PIK3R3: variants seen among roughly 807,000 people sequenced by gnomAD.
PIK3R3 encodes phosphatidylinositol 3-kinase regulatory subunit gamma.
Under a neutral mutation model 62.9 loss-of-function variants are expected in PIK3R3, and 64 were observed. The ratio of observed to expected loss-of-function variants is 1.02; its 90% CI spans 0.83 to 1.25. The LOEUF (loss-of-function observed/expected upper bound fraction) is 1.25. Ranked by LOEUF, PIK3R3 falls within the 50% of genes most tolerant of loss-of-function variation. PIK3R3 has a pLI of 0.00. For synonymous variants in PIK3R3, 165 were observed against 189.0 expected (o/e 0.87, Z 1.04); for missense variants, 614 against 561.6 (o/e 1.09, Z -0.94).
Position 46,042,379 on chromosome 1 carries a change from C to T in PIK3R3, c.*1294G>A. The stretch of plus-strand genomic sequence containing the variant: ...CTTCCAGATGGCTTCTACTAACAGT[C>T]TAAACACTAAGCCATCTTCTCTCCC... On this transcript the variant is annotated 3_prime_UTR_variant, in exon 10 of 10. Transcript: ENST00000262741. This position sits in a 1 kb window ranked among gnomAD's most constrained non-coding sequence, Gnocchi z 4.3. The T allele has an allele frequency of 4.4e-6, 1 of 229,156 alleles. No individual in the cohort carries two copies. Among genetic ancestry groups the T allele is most frequent in the Non-Finnish European group, 8.7e-6 (1 of 115,460 alleles). 14.2% of individuals were successfully genotyped at this position (229,156 alleles called of 1,614,324 possible). A position where few individuals can be genotyped will look rare whatever the true frequency, so the allele number is the denominator to read the frequency against.
At chr1:46,124,737 G>A (rs1288651084) in intron 1 of PIK3R3, among the ~76,000 whole-genome samples, 10 of 149,256 alleles carry the variant, frequency 6.7e-5, no homozygotes, top group East Asian at 2.0e-4. Context: ...CGGAGGTTGC[G>A]GTGAGCCGAG....
In PIK3R3 at chr1:46,048,761, A is replaced by G. The variant is rs79247720; in HGVS notation, c.942-2136T>C. On this transcript the variant is annotated intron_variant, in intron 7 of 9. Transcript: ENST00000262741. ...GAAAAAGAAAAATTGCTTTTGCTCC[A>G]CCCTCCATTTATGATGGTGCCTACC... is the stretch of plus-strand genomic sequence containing the variant. Among the ~76,000 whole-genome samples, 208 of 152,136 alleles carry G rather than the reference A, an allele frequency of 1.4e-3. 1 individual carries two copies. The highest frequency in any genetic ancestry group is 4.8e-3 in the African/African-American group (201 of 41,496).
chr1:46,120,378 C>T (rs933043402), intron 1 of PIK3R3, among the ~76,000 whole-genome samples: 1 of 152,216 alleles, frequency 6.6e-6, no homozygotes, highest in South Asian at 2.1e-4. Context: ...GAGATCGAGA[C>T]CATCCTGACC....
chr1:46,124,690 G>A (rs978525804), intron 1 of PIK3R3, among the ~76,000 whole-genome samples: 3 of 151,826 alleles, frequency 2.0e-5, no homozygotes, highest in Non-Finnish European at 4.4e-5. Context: ...CAGCTACTTG[G>A]GAGCCTGAGG....
In PIK3R3 at chr1:46,043,465, C is replaced by T; in HGVS notation, c.*208G>A. 1.8e-6 allele frequency: 1 copy of T among 569,206 alleles called. No homozygotes were observed. The highest frequency in any genetic ancestry group is 3.2e-6 in the Non-Finnish European group (1 of 317,274). The allele number at this position is 569,206 out of a possible 1,614,324, so 35.3% of individuals were successfully genotyped here. The stretch of plus-strand genomic sequence containing the variant: ...AACATCTGCTTCCAGCTTAGTATGT[C>T]AGTGCAGCGGCATGGCTGAGTCCTA... On this transcript the variant is annotated 3_prime_UTR_variant, in exon 10 of 10. Coordinates refer to ENST00000262741, the MANE Select transcript of PIK3R3 (RefSeq NM_003629.4).
chr1:46,094,274 C>T (rs561341883), intron 1 of PIK3R3, among the ~76,000 whole-genome samples: 1 of 152,030 alleles, frequency 6.6e-6, no homozygotes, highest in African/African-American at 2.4e-5. Flanking sequence ...ATATATACTT[C>T]CTAAAATTCA....
In PIK3R3 at chr1:46,040,373, TTG is replaced by T. The variant is rs1646973279; in HGVS notation, c.*3298_*3299del. ...ATCACAAGACATACAGTTGGCTTTC[TTG>T]TGAGTCAGATATTTTTACGTAAACT... On this transcript the variant is annotated 3_prime_UTR_variant, in exon 10 of 10. Coordinates refer to ENST00000262741, the MANE Select transcript of PIK3R3 (RefSeq NM_003629.4). The T allele has an allele frequency of 4.3e-6, 1 of 231,650 alleles. No individual in the cohort carries two copies. Among genetic ancestry groups the T allele is most frequent in the African/African-American group, 2.2e-5 (1 of 45,230 alleles). 14.3% of individuals were successfully genotyped at this position (231,650 alleles called of 1,614,324 possible).
chr1:46,129,612 C>T (rs1655406276), intron 1 of PIK3R3, among the ~76,000 whole-genome samples: 1 of 152,024 alleles, frequency 6.6e-6, no homozygotes, highest in Non-Finnish European at 1.5e-5. Flanking sequence ...ATAATAAGAG[C>T]TTGATGTGGG....
chr1:46,174,374 T>C, the PIK3R3 span, among the ~76,000 whole-genome samples: 1 of 152,076 alleles, frequency 6.6e-6, no homozygotes, highest in African/African-American at 2.4e-5. Context: ...GTCAGTGAAT[T>C]CTCTGCCTCA....
chr1:46,168,427 T>A, the PIK3R3 span, among the ~76,000 whole-genome samples: 1 of 152,162 alleles, frequency 6.6e-6, no homozygotes, highest in Non-Finnish European at 1.5e-5. Flanking sequence ...GTGTGACCCT[T>A]GGAAGGGCCT....
chr1:46,102,111 G>T (rs937788359), intron 1 of PIK3R3, among the ~76,000 whole-genome samples: 2 of 144,876 alleles, frequency 1.4e-5, no homozygotes, highest in Admixed American at 1.5e-4. Context: ...TCAGCCTCCC[G>T]AGTAGCTGGG....
intron 1 of PIK3R3, among the ~76,000 whole-genome samples, chr1:46,084,549 A>G (rs1650893218): frequency 6.6e-6 from 1 of 152,188 alleles, no homozygotes; most frequent in Non-Finnish European, 1.5e-5. Flanking sequence ...ATTTTATGTG[A>G]CTTATAAAAG....
chr1:46,081,202 A>G (rs1650555459), intron 1 of PIK3R3, among the ~76,000 whole-genome samples: 1 of 152,240 alleles, frequency 6.6e-6, no homozygotes, highest in African/African-American at 2.4e-5. Context: ...TAATTTGCTC[A>G]ACTGTAATAG....
At chr1:46,097,966 G>A (rs1175172329) in intron 1 of PIK3R3, among the ~76,000 whole-genome samples, 7 of 150,974 alleles carry the variant, frequency 4.6e-5, no homozygotes, top group Non-Finnish European at 1.0e-4. Context: ...GAGAGAAAAG[G>A]AAAATGACGA....
At chr1:46,078,844 C>G (rs577308843) in intron 2 of PIK3R3, among the ~76,000 whole-genome samples, 1 of 151,988 alleles carries the variant, frequency 6.6e-6, no homozygotes, top group Admixed American at 6.6e-5. Flanking sequence ...ACCTTGAAGA[C>G]GTATGAAGAA....
chr1:46,174,331 C>A, the PIK3R3 span, among the ~76,000 whole-genome samples: 1 of 152,118 alleles, frequency 6.6e-6, no homozygotes, highest in African/African-American at 2.4e-5. Context: ...CATCCCATAA[C>A]CTGAGGAGCC....
chr1:46,098,348 C>T (rs1480051235), intron 1 of PIK3R3, among the ~76,000 whole-genome samples: 6 of 152,220 alleles, frequency 3.9e-5, no homozygotes, highest in Non-Finnish European at 5.9e-5. Flanking sequence ...TCTACTCTTA[C>T]ATGTATACGC....
Position 46,041,153 on chromosome 1 carries a change from A to C in PIK3R3, c.*2520T>G, listed in dbSNP as rs991550451. The C allele has an allele frequency of 2.4e-4, 37 of 154,202 alleles. No individual in the cohort carries two copies. Among genetic ancestry groups the C allele is most frequent in the African/African-American group, 8.4e-4 (35 of 41,498 alleles). The allele number at this position is 154,202 out of a possible 1,614,324, so 9.6% of individuals were successfully genotyped here. ...ACATGGCACTAGACTCTCATGAAGG[A>C]GGCCAAGACCTGCTCCCAAGTCATG... On this transcript the variant is annotated 3_prime_UTR_variant, in exon 10 of 10. Transcript: ENST00000262741.
At chr1:46,126,059 C>T (rs928321562) in intron 1 of PIK3R3, among the ~76,000 whole-genome samples, 3 of 152,172 alleles carry the variant, frequency 2.0e-5, no homozygotes, top group Middle Eastern at 3.4e-3. Flanking sequence ...CGCGCTTTGC[C>T]GCAATCTAGA....
Sources: allele counts gnomAD v4.1 joint callset (sites outside exome capture counted in the v4.1 genomes callset), GRCh38; gene constraint gnomAD v4.1.1; non-coding constraint Gnocchi (gnomAD v3.1); transcripts MANE v1.5; gene names NCBI Gene and HGNC (gene_info 2026-07-23, HGNC 2026-07-21).